The following C8orf76 variants were observed in gnomAD, a reference collection of about 807,000 sequenced individuals.
C8orf76 encodes the protein uncharacterized protein C8orf76.
C8orf76 carries 46 observed loss-of-function variants against 38.1 expected under a neutral mutation model. That is an observed-to-expected ratio of 1.21 (90% CI 0.95 to 1.54). The LOEUF (loss-of-function observed/expected upper bound fraction) is 1.54. Among genes scored for constraint, C8orf76 ranks in the 40% most tolerant of loss-of-function variants. C8orf76 has a pLI of 0.00. For missense variants in C8orf76, 461 were observed against 441.6 expected (o/e 1.04, Z -0.39); for synonymous variants, 166 against 167.5 (o/e 0.99, Z 0.07).
intron 4 of C8orf76, among the ~76,000 whole-genome samples, chr8:123,230,818 T>C (rs1055742187): frequency 6.6e-6 from 1 of 152,042 alleles, no homozygotes; most frequent in Non-Finnish European, 1.5e-5. Context: ...CCCAGCTAAT[T>C]TTTTGTATTT....
intron 5 of C8orf76, among the ~76,000 whole-genome samples, chr8:123,224,346 T>C (rs1480106567): frequency 6.6e-6 from 1 of 152,146 alleles, no homozygotes; most frequent in African/African-American, 2.4e-5. Context: ...GCATGGTGGC[T>C]CACATCTATA....
chr8:123,226,402 G>A lies in C8orf76; in HGVS notation c.948+98C>T, dbSNP rs796678602. ...ACAGAGGAGGGAGACAAGTCCTTCA[G>A]TAGATTAAATTTGGCCCTGCTTTAT... is the stretch of plus-strand genomic sequence containing the variant. On this transcript the variant is annotated intron_variant, in intron 5 of 5. Coordinates refer to ENST00000276704, the MANE Select transcript of C8orf76 (RefSeq NM_032847.3). 1.7e-5 allele frequency: 27 copies of A among 1,543,350 alleles called. 1 individual carries two copies. The African/African-American group carries it at 3.3e-4, about 19-fold the overall frequency.
chr8:123,231,339 T>G lies in C8orf76; in HGVS notation c.776A>C (p.Glu259Ala). The G allele has an allele frequency of 6.2e-7, 1 of 1,613,058 alleles. No homozygotes were observed. The highest frequency in any genetic ancestry group is 8.5e-7 in the Non-Finnish European group (1 of 1,179,756). The change falls in exon 4 of 6, where the codon GAG (glutamate) becomes GCG (alanine). Residue 259 changes from glutamate to alanine, a missense_variant. Glu to Ala is a moderately radical substitution (Grantham distance 107). Coordinates refer to ENST00000276704, the MANE Select transcript of C8orf76 (RefSeq NM_032847.3). ...AGAGGCACATGCTTTCAGCTGAGTCTCTATCAACACTGTTTCTCTCTTTTC... is the reference window on the plus strand; with the variant it reads ...AGAGGCACATGCTTTCAGCTGAGTCGCTATCAACACTGTTTCTCTCTTTTC... ...MAEKRETVLIETQLKACASFI... is the reference protein window; with the variant it reads ...MAEKRETVLIATQLKACASFI...
At chr8:123,237,749 G>C in intron 3 of C8orf76, 49 bp downstream of exon 3, 1 of 1,543,728 alleles carries the variant, frequency 6.5e-7, no homozygotes, top group East Asian at 2.3e-5. Context: ...TACACCATTC[G>C]ACCACCCTTA....
In C8orf76 at chr8:123,221,675, A is replaced by T. The variant is rs527745541; in HGVS notation, c.949-1378T>A. 3.9e-4 allele frequency among the ~76,000 whole-genome samples: 59 copies of T among 152,266 alleles called. 1 individual carries two copies. In the South Asian group the frequency reaches 0.011, roughly 29 times the overall value. On this transcript the variant is annotated intron_variant, in intron 5 of 5. Coordinates refer to ENST00000276704, the MANE Select transcript of C8orf76 (RefSeq NM_032847.3). Reference sequence around the variant, plus strand: ...GGTCTTGAGTTCCTGACCTCAACTGATCCACCCGCCTTTGCCTCCCAAAGT... The same window carrying T: ...GGTCTTGAGTTCCTGACCTCAACTGTTCCACCCGCCTTTGCCTCCCAAAGT...
chr8:123,227,659 T>C (rs995037005), intron 4 of C8orf76, among the ~76,000 whole-genome samples: 4 of 152,030 alleles, frequency 2.6e-5, no homozygotes, highest in Non-Finnish European at 5.9e-5. Flanking sequence ...AGGAACAAAT[T>C]TGATATGCTT....
Position 123,231,699 on chromosome 8 carries a change from A to G in C8orf76, c.416T>C (p.Ile139Thr), listed in dbSNP as rs771532120. 1.7e-5 allele frequency: 27 copies of G among 1,613,442 alleles called. No homozygotes were observed. The highest frequency in any genetic ancestry group is 2.0e-5 in the Non-Finnish European group (24 of 1,180,048). The change falls in exon 4 of 6, where the codon ATT becomes ACT. Residue 139 changes from isoleucine to threonine, a missense_variant. Coordinates refer to ENST00000276704, the MANE Select transcript of C8orf76 (RefSeq NM_032847.3). ...CTCCAAGTTCTGCAAACTTGAACAA[A>G]TAGCAAGCTGGAGGTAGAGTACCGT... The part of the protein sequence containing the change: ...LTTVLYLQLA[I>T]CSSLQNLEKT...
intron 1 of C8orf76, 79 bp from the exon 2 acceptor site, chr8:123,239,223 T>A: frequency 6.8e-7 from 1 of 1,462,996 alleles, no homozygotes; most frequent in Non-Finnish European, 9.5e-7. Context: ...TCCCATAATA[T>A]AATTGATTAA....
intron 1 of C8orf76, 105 bp from the exon 2 acceptor site, chr8:123,239,249 TTC>T: frequency 7.9e-7 from 1 of 1,261,438 alleles, no homozygotes; most frequent in Non-Finnish European, 1.1e-6. Flanking sequence ...AAAAAAAGAC[TTC>T]TTCAAGAGTC....
At position 123,219,985 on chromosome 8, in the gene C8orf76, A is replaced by T; in HGVS notation, c.*118T>A. Reference sequence around the variant, plus strand: ...GTAGAAATCATTTGAGACAGAAGCCAGTTTTATAAAACATAAATAATCATT... The same window carrying T: ...GTAGAAATCATTTGAGACAGAAGCCTGTTTTATAAAACATAAATAATCATT... On this transcript the variant is annotated 3_prime_UTR_variant, in exon 6 of 6. Transcript: ENST00000276704. 1 of 585,336 alleles carries T rather than the reference A, an allele frequency of 1.7e-6. No individual in the cohort carries two copies. Among genetic ancestry groups the T allele is most frequent in the Non-Finnish European group, 2.8e-6 (1 of 356,656 alleles). The allele number at this position is 585,336 out of a possible 1,614,324, so 36.3% of individuals were successfully genotyped here.
chr8:123,232,058 A>G (rs1018965221), intron 3 of C8orf76, among the ~76,000 whole-genome samples: 3 of 152,218 alleles, frequency 2.0e-5, no homozygotes, highest in Non-Finnish European at 2.9e-5. Context: ...ATATCCATTT[A>G]TTTCCAATTT....
At chr8:123,221,002 A>C (rs1824884011) in intron 5 of C8orf76, among the ~76,000 whole-genome samples, 1 of 152,228 alleles carries the variant, frequency 6.6e-6, no homozygotes, top group Non-Finnish European at 1.5e-5. Flanking sequence ...GTAGTCATGG[A>C]GCAGGGATGT....
Position 123,239,096 on chromosome 8 carries a change from G to C in C8orf76, c.166C>G (p.Leu56Val), listed in dbSNP as rs1449441439. The C allele has an allele frequency of 6.2e-7, 1 of 1,614,134 alleles. No homozygotes were observed. Among genetic ancestry groups the C allele is most frequent in the Admixed American group, 1.7e-5 (1 of 60,010 alleles). The change falls in exon 2 of 6, where the codon CTC (leucine) becomes GTC (valine). Residue 56 changes from leucine to valine, a missense_variant. Transcript: ENST00000276704. ...ESSDDVEVLT[L>V]KKFKGDLAYR... ...GCCAGGTCTCCTTTGAATTTCTTGA[G>C]AGTCAGCACTTCAACATCATCACTG...
intron 4 of C8orf76, among the ~76,000 whole-genome samples, chr8:123,227,639 G>T (rs1825093294): frequency 6.6e-6 from 1 of 152,130 alleles, no homozygotes. Context: ...GGAGAAGGGG[G>T]CTCTGACACA....
At position 123,226,266 on chromosome 8, in the gene C8orf76, T is replaced by C. The variant is rs959264562; in HGVS notation, c.948+234A>G. 5.9e-6 allele frequency: 8 copies of C among 1,361,026 alleles called. No homozygotes were observed. The African/African-American group carries it at 1.1e-4, about 18-fold the overall frequency. The allele number at this position is 1,361,026 out of a possible 1,614,324, so 84.3% of individuals were successfully genotyped here. Reference sequence around the variant, plus strand: ...CATTGATGATGTTCAGGCAGGCAGGTGCTAACAAGCACTGACAAGTACATG... The same window carrying C: ...CATTGATGATGTTCAGGCAGGCAGGCGCTAACAAGCACTGACAAGTACATG... On this transcript the variant is annotated intron_variant, in intron 5 of 5. Transcript: ENST00000276704.
intron 5 of C8orf76, among the ~76,000 whole-genome samples, chr8:123,220,778 T>C (rs1218480770): frequency 6.6e-6 from 1 of 152,152 alleles, no homozygotes; most frequent in East Asian, 1.9e-4. Flanking sequence ...CCAATGAAGG[T>C]ACAATACTGC....
chr8:123,229,330 C>A (rs1176608937), intron 4 of C8orf76, among the ~76,000 whole-genome samples: 1 of 152,176 alleles, frequency 6.6e-6, no homozygotes, highest in East Asian at 1.9e-4. Flanking sequence ...TTTCCTGATC[C>A]ATCTAGTGGG....
chr8:123,234,495 G>A (rs1563801027), intron 3 of C8orf76, among the ~76,000 whole-genome samples: 1 of 152,100 alleles, frequency 6.6e-6, no homozygotes, highest in South Asian at 2.1e-4. Flanking sequence ...AAGGCTGGGC[G>A]CATTGGCTCA....
chr8:123,234,532 G>A (rs1291364204), intron 3 of C8orf76, among the ~76,000 whole-genome samples: 2 of 152,120 alleles, frequency 1.3e-5, no homozygotes, highest in Non-Finnish European at 2.9e-5. Context: ...ACTTCGGGAG[G>A]CTGAGGCGGG....
Sources: allele counts gnomAD v4.1 joint callset (sites outside exome capture counted in the v4.1 genomes callset), GRCh38; gene constraint gnomAD v4.1.1; transcripts MANE v1.5; gene names NCBI Gene and HGNC (gene_info 2026-07-23, HGNC 2026-07-21).